The following TNIP1 variants were observed in gnomAD, a reference collection of about 807,000 sequenced individuals.
TNIP1 encodes TNFAIP3-interacting protein 1.
TNIP1 carries 22 observed loss-of-function variants against 86.6 expected under a neutral mutation model. That is an observed-to-expected ratio of 0.25 (90% CI 0.18 to 0.36). The LOEUF (loss-of-function observed/expected upper bound fraction) is 0.36. TNIP1 is among the 10% of genes least tolerant of loss of function. The pLI is 1.00. For missense variants in TNIP1, 709 were observed against 820.6 expected (o/e 0.86, Z 1.66); for synonymous variants, 294 against 313.0 (o/e 0.94, Z 0.64).
In TNIP1 at chr5:151,080,914, C is replaced by T. The variant is rs1763957735; in HGVS notation, c.-71G>A. 6.6e-6 allele frequency: 1 copy of T among 152,230 alleles called. No homozygotes were observed. Among genetic ancestry groups the T allele is most frequent in the Non-Finnish European group, 1.5e-5 (1 of 68,084 alleles). 9.4% of individuals were successfully genotyped at this position (152,230 alleles called of 1,614,324 possible). A position where few individuals can be genotyped will look rare whatever the true frequency, so the allele number is the denominator to read the frequency against. On this transcript the variant is annotated 5_prime_UTR_variant, in exon 1 of 18. Coordinates refer to ENST00000521591, the MANE Select transcript of TNIP1 (RefSeq NM_006058.5). Reference sequence around the variant, plus strand: ...GGGAGCTTGGGGACACAGCGCCCCGCTTGCTGCGTCCAGCCCCGAATCCAG... The same window carrying T: ...GGGAGCTTGGGGACACAGCGCCCCGTTTGCTGCGTCCAGCCCCGAATCCAG...
At chr5:151,043,500 C>G (rs1758726885) in intron 9 of TNIP1, among the ~76,000 whole-genome samples, 1 of 152,192 alleles carries the variant, frequency 6.6e-6, no homozygotes, top group South Asian at 2.1e-4. Flanking sequence ...GGCCGCCAGG[C>G]ACAGTGGCTC....
chr5:151,059,828 A>AGAGAGAGAGG (rs1554076446), intron 5 of TNIP1, among the ~76,000 whole-genome samples: 1 of 56,398 alleles, frequency 1.8e-5, no homozygotes, highest in Non-Finnish European at 3.2e-5. Context: ...AGAGAGAGAG[A>AGAGAGAGAGG]GTGTGTGTGT....
At chr5:151,086,434 T>A (rs952425085) in intron 1 of TNIP1, among the ~76,000 whole-genome samples, 7 of 152,124 alleles carry the variant, frequency 4.6e-5, no homozygotes, top group Admixed American at 1.3e-4. Context: ...AAGCAAGAGA[T>A]CCTTTTGCTC....
chr5:151,069,543 C>T (rs1762602883), intron 1 of TNIP1, among the ~76,000 whole-genome samples: 1 of 152,174 alleles, frequency 6.6e-6, no homozygotes, highest in South Asian at 2.1e-4. Flanking sequence ...CATCCTGGGG[C>T]CAGCTATCCC....
At chr5:151,063,534 T>A in intron 3 of TNIP1, 79 bp downstream of exon 3, 1 of 1,561,616 alleles carries the variant, frequency 6.4e-7, no homozygotes, top group Non-Finnish European at 8.7e-7. Flanking sequence ...GGTTTTGGCA[T>A]AAGAAGGGAG....
rs998185914 is a variant in TNIP1 at position 151,033,407 on chromosome 5, G to A, written c.1779+201C>T. 12 of 419,110 alleles carry A rather than the reference G, an allele frequency of 2.9e-5. No homozygotes were observed. In the East Asian group the frequency reaches 3.9e-4, roughly 14 times the overall value. The allele number at this position is 419,110 out of a possible 1,614,324, so 26.0% of individuals were successfully genotyped here. A position where few individuals can be genotyped will look rare whatever the true frequency, so the allele number is the denominator to read the frequency against. On this transcript the variant is annotated intron_variant, in intron 16 of 17. Transcript: ENST00000521591. Reference sequence around the variant, plus strand: ...AGACCAGTGACCCTGAACAGCTGTGGGGCAGCCCTGCGGGACTGTGGCCAG... The same window carrying A: ...AGACCAGTGACCCTGAACAGCTGTGAGGCAGCCCTGCGGGACTGTGGCCAG...
chr5:151,033,713 C>T lies in TNIP1; in HGVS notation c.1674G>A (p.Met558Ile), dbSNP rs201482038. Residue 558 changes from methionine to isoleucine, a missense_variant, in exon 16 of 18, where the codon ATG becomes ATA. By Grantham distance (10) the Met-to-Ile change is conservative. Transcript: ENST00000521591. ...YPYAYPPMPAMVPHHGFEDWS... is the reference protein window; with the variant it reads ...YPYAYPPMPAIVPHHGFEDWS... ...AGTCCTCGAAGCCATGGTGTGGCAC[C>T]ATGGCTGGCATGGGCGGGTAGGCGT... 2.2e-6 allele frequency: 3 copies of T among 1,353,670 alleles called. No individual in the cohort carries two copies. Among genetic ancestry groups the T allele is most frequent in the African/African-American group, 3.0e-5 (2 of 66,850 alleles). 83.9% of individuals were successfully genotyped at this position (1,353,670 alleles called of 1,614,324 possible). A position where few individuals can be genotyped will look rare whatever the true frequency, so the allele number is the denominator to read the frequency against.
At chr5:151,059,444 A>G (rs551239342) in intron 5 of TNIP1, among the ~76,000 whole-genome samples, 1 of 152,364 alleles carries the variant, frequency 6.6e-6, no homozygotes, top group South Asian at 2.1e-4. Context: ...GGGCACTGAC[A>G]GGTACATGGG....
At chr5:151,066,730 C>T (rs138848179) in intron 1 of TNIP1, among the ~76,000 whole-genome samples, 5 of 152,270 alleles carry the variant, frequency 3.3e-5, no homozygotes, top group Admixed American at 6.5e-5. Context: ...AGGCTCAGGG[C>T]GGTTAAGTAA....
Position 151,045,904 on chromosome 5 carries a change from G to A in TNIP1, c.893C>T (p.Ala298Val). The change falls in exon 9 of 18, where the codon GCA becomes GTA. Residue 298 changes from alanine (A) to valine (V), a missense_variant. Transcript: ENST00000521591. ...GKVPEVVALGAAEKKVKMLEQ... is the reference protein window; with the variant it reads ...GKVPEVVALGVAEKKVKMLEQ... ...CAGCATCTTCACCTTCTTCTCGGCT[G>A]CGCCCAAGGCCACCACCTCTGGGAC... 6.2e-7 allele frequency: 1 copy of A among 1,614,098 alleles called. No homozygotes were observed. The highest frequency in any genetic ancestry group is 8.5e-7 in the Non-Finnish European group (1 of 1,180,018).
In TNIP1 at chr5:151,045,883, A is replaced by G; in HGVS notation, c.914T>C (p.Met305Thr). The G allele has an allele frequency of 6.2e-7, 1 of 1,614,052 alleles. No homozygotes were observed. Among genetic ancestry groups the G allele is most frequent in the Non-Finnish European group, 8.5e-7 (1 of 1,180,016 alleles). ...TACCTCACTGCGCTGCTGCTCCAGC[A>G]TCTTCACCTTCTTCTCGGCTGCGCC... ...ALGAAEKKVKMLEQQRSELLE... is the reference protein window; with the variant it reads ...ALGAAEKKVKTLEQQRSELLE... Residue 305 changes from methionine (M) to threonine (T), a missense_variant, in exon 9 of 18, where the codon ATG becomes ACG. Met to Thr is a moderately conservative substitution (Grantham distance 81). Transcript: ENST00000521591.
chr5:151,038,334 G>C (rs1382061196), intron 12 of TNIP1, among the ~76,000 whole-genome samples: 2 of 152,172 alleles, frequency 1.3e-5, no homozygotes, highest in African/African-American at 2.4e-5. Context: ...AACTCCTCCA[G>C]GCCCTCAGAG....
chr5:151,065,446 A>G (rs1386879479), intron 1 of TNIP1, among the ~76,000 whole-genome samples: 5 of 152,152 alleles, frequency 3.3e-5, no homozygotes, highest in African/African-American at 1.2e-4. Flanking sequence ...AAAAAATCTG[A>G]GTTCATGTCC....
At chr5:151,069,897 G>A (rs945364638) in intron 1 of TNIP1, among the ~76,000 whole-genome samples, 1 of 152,214 alleles carries the variant, frequency 6.6e-6, no homozygotes, top group Admixed American at 6.5e-5. Flanking sequence ...CCAAGTCTCA[G>A]GAGCTAGCAG....
In TNIP1 at chr5:151,056,944, A is replaced by AG; in HGVS notation, c.448dup (p.Leu150ProfsTer4). 1 of 1,529,740 alleles carries AG rather than the reference A, an allele frequency of 6.5e-7. No individual in the cohort carries two copies. Among genetic ancestry groups the AG allele is most frequent in the Non-Finnish European group, 8.8e-7 (1 of 1,136,130 alleles). 94.8% of individuals were successfully genotyped at this position (1,529,740 alleles called of 1,614,324 possible). A position where few individuals can be genotyped will look rare whatever the true frequency, so the allele number is the denominator to read the frequency against. On this transcript the variant is annotated frameshift_variant, in exon 6 of 18. Transcript: ENST00000521591. LOFTEE classifies it high-confidence loss of function. Reference sequence around the variant, plus strand: ...CATCAGGTTGCCGTCCTCACGGGGCAGGGGGCCCAGCGCCTGGAGAGGGAA... The same window carrying AG: ...CATCAGGTTGCCGTCCTCACGGGGCAGGGGGGCCCAGCGCCTGGAGAGGGAA...
At chr5:151,065,899 T>A (rs1762166623) in intron 1 of TNIP1, among the ~76,000 whole-genome samples, 1 of 152,222 alleles carries the variant, frequency 6.6e-6, no homozygotes, top group South Asian at 2.1e-4. Context: ...AGGTTTTTTT[T>A]TAGTAATCTG....
At position 151,052,225 on chromosome 5, in the gene TNIP1, G is replaced by A. The variant is rs779574943; in HGVS notation, c.662C>T (p.Ala221Val). Residue 221 changes from alanine to valine, a missense_variant, in exon 7 of 18, where the codon GCT (alanine) becomes GTT (valine). Coordinates refer to ENST00000521591, the MANE Select transcript of TNIP1 (RefSeq NM_006058.5). ...GCCCTTATCCAACTTGGCCTTCAGA[G>A]CCTCGTTCTCCTTCCGAAGCTGCTC... is the stretch of plus-strand genomic sequence containing the variant. Reference protein sequence around the residue: ...LCEQLRKENEALKAKLDKGLE... With the variant: ...LCEQLRKENEVLKAKLDKGLE... 1 of 1,614,076 alleles carries A rather than the reference G, an allele frequency of 6.2e-7. No homozygotes were observed. The highest frequency in any genetic ancestry group is 8.5e-7 in the Non-Finnish European group (1 of 1,179,988).
chr5:151,044,680 AG>A (rs1758903692), intron 9 of TNIP1, among the ~76,000 whole-genome samples: 1 of 152,178 alleles, frequency 6.6e-6, no homozygotes, highest in Non-Finnish European at 1.5e-5. Context: ...CTGTGTGGAG[AG>A]GGGCTAGACG....
At chr5:151,056,102 T>C (rs750569820) in intron 6 of TNIP1, among the ~76,000 whole-genome samples, 1 of 152,100 alleles carries the variant, frequency 6.6e-6, no homozygotes, top group South Asian at 2.1e-4. Context: ...ATGTTACTGA[T>C]AGGAACATTG....
Sources: allele counts gnomAD v4.1 joint callset (sites outside exome capture counted in the v4.1 genomes callset), GRCh38; gene constraint gnomAD v4.1.1; transcripts MANE v1.5; gene names NCBI Gene and HGNC (gene_info 2026-07-23, HGNC 2026-07-21).